TRPC5: variants seen among roughly 807,000 people sequenced by gnomAD.
The protein encoded by TRPC5 is short transient receptor potential channel 5.
TRPC5 carries 9 observed loss-of-function variants against 56.5 expected under a neutral mutation model. The ratio of observed to expected loss-of-function variants is 0.16; its 90% CI spans 0.10 to 0.28. The LOEUF (loss-of-function observed/expected upper bound fraction) is 0.28, where lower values mean the gene tolerates loss of function less well. TRPC5 is among the 10% of genes least tolerant of loss of function. TRPC5 has a pLI of 1.00. For synonymous variants in TRPC5, 282 were observed against 278.5 expected (o/e 1.01, Z -0.13); for missense variants, 469 against 748.9 (o/e 0.63, Z 4.36).
chrX:111,979,281 G>A (rs1464855992), intron 1 of TRPC5, among the ~76,000 whole-genome samples: 1 of 111,092 alleles, frequency 9.0e-6, no homozygotes, highest in African/African-American at 3.3e-5. Context: ...TGAAAATAAG[G>A]ACCTTTGAGC....
chrX:111,847,329 G>C lies in TRPC5; in HGVS notation c.1485C>G (p.Ser495=), dbSNP rs2148583686. The change falls in exon 6 of 11, where the codon TCC becomes TCG. Residue 495 remains serine, a synonymous_variant. Coordinates refer to ENST00000262839, the MANE Select transcript of TRPC5 (RefSeq NM_012471.3). ...CTAAGTGGGAGTTGGCTGTGAACAG[G>C]GATATGAGACGCAACGAACTTAAAA... The part of the protein sequence containing the change: ...SNILSSLRLI[S]LFTANSHLGP... The C allele has an allele frequency of 8.3e-7, 1 of 1,211,327 alleles. No individual in the cohort carries two copies. Among genetic ancestry groups the C allele is most frequent in the African/African-American group, 1.7e-5 (1 of 57,659 alleles).
intron 3 of TRPC5, among the ~76,000 whole-genome samples, chrX:111,869,455 G>A (rs956718223): frequency 3.6e-5 from 4 of 112,131 alleles, no homozygotes; most frequent in African/African-American, 1.3e-4. Context: ...GGCAACACAG[G>A]TGCAGACTCA....
In TRPC5 at chrX:111,768,539, T is replaced by G; in HGVS notation, c.*7774A>C. Among the ~76,000 whole-genome samples, 1 of 112,108 alleles carries G rather than the reference T, an allele frequency of 8.9e-6. No individual in the cohort carries two copies. Among genetic ancestry groups the G allele is most frequent in the Non-Finnish European group, 1.9e-5 (1 of 53,161 alleles). On this transcript the variant is annotated 3_prime_UTR_variant, in exon 11 of 11. Coordinates refer to ENST00000262839, the MANE Select transcript of TRPC5 (RefSeq NM_012471.3). ...GTACCTCTGGTGTGCATTCCTATTA[T>G]AAGAAACAAACTAAAATGTATTTGC...
chrX:111,972,969 TC>T (rs1228624265), intron 1 of TRPC5, among the ~76,000 whole-genome samples: 3 of 111,812 alleles, frequency 2.7e-5, no homozygotes, highest in Non-Finnish European at 5.6e-5. Context: ...ATCTTTTTCT[TC>T]TTTCAATTTT....
chrX:112,062,591 G>C (rs868508551), intron 1 of TRPC5, among the ~76,000 whole-genome samples: 13 of 112,106 alleles, frequency 1.2e-4, no homozygotes, highest in Non-Finnish European at 2.1e-4. Flanking sequence ...TTTAGAATGG[G>C]AGCTATATTC....
intron 3 of TRPC5, among the ~76,000 whole-genome samples, chrX:111,874,534 G>T (rs1289319016): frequency 8.9e-6 from 1 of 111,957 alleles, no homozygotes; most frequent in Non-Finnish European, 1.9e-5. Flanking sequence ...TTAATAAAAT[G>T]ACTGTCTGAG....
intron 1 of TRPC5, among the ~76,000 whole-genome samples, chrX:112,035,366 G>A (rs1929706204): frequency 9.1e-6 from 1 of 110,380 alleles, no homozygotes; most frequent in Non-Finnish European, 1.9e-5. Context: ...TTTTTGTAAA[G>A]ACTGTATTAT....
chrX:111,944,289 T>TGTGTGTGA (rs1926862940), intron 2 of TRPC5, among the ~76,000 whole-genome samples: 1 of 85,090 alleles, frequency 1.2e-5, no homozygotes, highest in Non-Finnish European at 2.2e-5. Flanking sequence ...TGTGTGTGTG[T>TGTGTGTGA]GTGTGTGTGT....
At chrX:112,011,074 G>A (rs1928979309) in intron 1 of TRPC5, among the ~76,000 whole-genome samples, 1 of 111,528 alleles carries the variant, frequency 9.0e-6, no homozygotes, top group Admixed American at 9.6e-5. Flanking sequence ...TACAGGCTAT[G>A]TCTGAGCAGG....
chrX:111,880,007 C>T (rs1245677674), intron 3 of TRPC5, among the ~76,000 whole-genome samples: 1 of 110,828 alleles, frequency 9.0e-6, no homozygotes, highest in Non-Finnish European at 1.9e-5. Context: ...CTCAGAATGA[C>T]GTGGTAGTGG....
chrX:111,942,481 A>C (rs1408687305), intron 2 of TRPC5, among the ~76,000 whole-genome samples: 1 of 111,660 alleles, frequency 9.0e-6, no homozygotes, highest in Non-Finnish European at 1.9e-5. Flanking sequence ...GGGTGGTAGA[A>C]AGAGTAGCTT....
At chrX:111,788,663 C>T (rs950997879) in intron 7 of TRPC5, among the ~76,000 whole-genome samples, 4 of 111,799 alleles carry the variant, frequency 3.6e-5, no homozygotes, top group Non-Finnish European at 7.5e-5. Flanking sequence ...ATTTAGAAAA[C>T]CCCGTCACCT....
chrX:112,027,590 G>A (rs1929448464), intron 1 of TRPC5, among the ~76,000 whole-genome samples: 1 of 110,936 alleles, frequency 9.0e-6, no homozygotes, highest in Non-Finnish European at 1.9e-5. Flanking sequence ...TCCGCCTCCC[G>A]GGTTCACGCC....
chrX:111,996,456 T>A (rs1316808321), intron 1 of TRPC5, among the ~76,000 whole-genome samples: 24 of 112,137 alleles, frequency 2.1e-4, no homozygotes. Flanking sequence ...AGAATGTATA[T>A]TCTGTTGATT....
At chrX:111,864,302 C>T (rs1352995073) in intron 3 of TRPC5, among the ~76,000 whole-genome samples, 2 of 112,286 alleles carry the variant, frequency 1.8e-5, no homozygotes, top group Admixed American at 1.9e-4. Context: ...GTGTCTAATT[C>T]GTTTTCTATG....
chrX:111,933,356 G>C (rs749018551), intron 2 of TRPC5, among the ~76,000 whole-genome samples: 2 of 111,098 alleles, frequency 1.8e-5, no homozygotes, highest in South Asian at 7.6e-4. Flanking sequence ...GAGACAAAAT[G>C]GCTGCCCACT....
intron 7 of TRPC5, among the ~76,000 whole-genome samples, chrX:111,793,562 G>T (rs1205490726): frequency 2.7e-5 from 3 of 111,577 alleles, no homozygotes; most frequent in African/African-American, 9.8e-5. Flanking sequence ...AACTGTTTGT[G>T]AGGATATACA....
chrX:111,771,239 G>T lies in TRPC5; in HGVS notation c.*5074C>A, dbSNP rs755417425. ...TTTGTCATTTATTTGTGTAGTAACA[G>T]GAAGCCTCTAGAGCTTTCACATCTT... On this transcript the variant is annotated 3_prime_UTR_variant, in exon 11 of 11. Transcript: ENST00000262839. 1.4e-4 allele frequency among the ~76,000 whole-genome samples: 16 copies of T among 111,934 alleles called. No homozygotes were observed. Among genetic ancestry groups the T allele is most frequent in the African/African-American group, 5.2e-4 (16 of 30,897 alleles).
intron 3 of TRPC5, among the ~76,000 whole-genome samples, chrX:111,884,475 A>G (rs1924376086): frequency 8.9e-6 from 1 of 112,918 alleles, no homozygotes; most frequent in African/African-American, 3.2e-5. Context: ...AAGTGTAGCA[A>G]TGGCCTGAGC....
Sources: allele counts gnomAD v4.1 joint callset (sites outside exome capture counted in the v4.1 genomes callset), GRCh38; gene constraint gnomAD v4.1.1; transcripts MANE v1.5; gene names NCBI Gene and HGNC (gene_info 2026-07-23, HGNC 2026-07-21).